The following CKAP2L variants were observed in gnomAD, a reference collection of about 807,000 sequenced individuals.
CKAP2L encodes the protein cytoskeleton associated protein 2L, also known as cytoskeleton-associated protein 2-like.
Under a neutral mutation model 65.7 loss-of-function variants are expected in CKAP2L, and 42 were observed. That is an observed-to-expected ratio of 0.64 (90% CI 0.50 to 0.83). The LOEUF (loss-of-function observed/expected upper bound fraction) is 0.83. CKAP2L is among the 40% of genes least tolerant of loss of function. The probability of loss-of-function intolerance (pLI) is 0.00; values close to 1 mark genes in which losing one functional copy is unlikely to be tolerated. For synonymous variants in CKAP2L, 325 were observed against 313.5 expected, an observed-to-expected ratio of 1.04 and a Z score of -0.39; for missense variants, 908 against 871.0, an observed-to-expected ratio of 1.04 and a Z score of -0.53.
intron 5 of CKAP2L, 76 bp downstream of exon 5, chr2:112,752,191 A>AT (rs2104876679): frequency 9.7e-7 from 1 of 1,026,228 alleles, no homozygotes; most frequent in African/African-American, 1.6e-5. Context: ...TATCTCTCCT[A>AT]TATTATATTT....
rs1680561581 is a variant in CKAP2L, at chr2:112,757,000, C to G, written c.371G>C (p.Cys124Ser). The change falls in exon 4 of 9, where the codon TGT (cysteine) becomes TCT (serine). Residue 124 changes from cysteine to serine, a missense_variant. Cys to Ser is a moderately radical substitution (Grantham distance 112, BLOSUM62 -1). Coordinates refer to ENST00000302450, the MANE Select transcript of CKAP2L (RefSeq NM_152515.5). Reference protein sequence around the residue: ...SKPSSKSFQQCEAGSSTTGEL... With the variant: ...SKPSSKSFQQSEAGSSTTGEL... Reference sequence around the variant, plus strand: ...TCCTGTTGTGGACGATCCAGCTTCACACTGTTGAAAACTCTTGCTAGAAGG... The same window carrying G: ...TCCTGTTGTGGACGATCCAGCTTCAGACTGTTGAAAACTCTTGCTAGAAGG... 6.2e-7 allele frequency: 1 copy of G among 1,614,202 alleles called. No individual in the cohort carries two copies. The highest frequency in any genetic ancestry group is 2.2e-5 in the East Asian group (1 of 44,890).
chr2:112,753,184 C>G (rs1247125333), intron 4 of CKAP2L, among the ~76,000 whole-genome samples: 2 of 152,198 alleles, frequency 1.3e-5, no homozygotes, highest in Non-Finnish European at 2.9e-5. Context: ...GTGTACATTT[C>G]AGTCCAGATC....
chr2:112,755,540 C>T (rs1680503854), intron 4 of CKAP2L, among the ~76,000 whole-genome samples: 2 of 152,084 alleles, frequency 1.3e-5, no homozygotes, highest in African/African-American at 4.8e-5. Flanking sequence ...ACGGAAGTTT[C>T]TGGTTCTTCC....
At chr2:112,764,097 C>T (rs1397906808) in intron 1 of CKAP2L, 1 of 190,100 alleles carries the variant, frequency 5.3e-6, no homozygotes, top group Non-Finnish European at 1.1e-5. Context: ...CAACTTCTAA[C>T]CACCGCAGGC....
At chr2:112,739,954 C>T (rs1038040750) in intron 8 of CKAP2L, among the ~76,000 whole-genome samples, 1 of 151,952 alleles carries the variant, frequency 6.6e-6, no homozygotes, top group Non-Finnish European at 1.5e-5. Context: ...ATGTGCCCAG[C>T]CTTTTCATTT....
intron 8 of CKAP2L, among the ~76,000 whole-genome samples, chr2:112,739,768 C>T (rs1558751271): frequency 6.6e-6 from 1 of 152,100 alleles, no homozygotes; most frequent in African/African-American, 2.4e-5. Context: ...CATCTGTCCA[C>T]CTCAGCCTTT....
chr2:112,755,238 A>C (rs1176062197), intron 4 of CKAP2L, among the ~76,000 whole-genome samples: 2 of 152,172 alleles, frequency 1.3e-5, no homozygotes, highest in African/African-American at 4.8e-5. Context: ...TACAAAATCC[A>C]CTGGCTCAGT....
In CKAP2L at chr2:112,762,517, C is replaced by G. The variant is rs1680755699; in HGVS notation, c.90G>C (p.Lys30Asn). The change falls in exon 2 of 9, where the codon AAG becomes AAC. Residue 30 changes from lysine (K) to asparagine (N), a missense_variant. By Grantham distance (94) the Lys-to-Asn change is moderately conservative. Transcript: ENST00000302450. ...GATAAACTCACTTGGTGTTTTGGCT[C>G]TTCAGTTTTCCCTTGGCTGCAAGGT... The part of the protein sequence containing the change: ...QEYLAAKGKL[K>N]SQNTKPYLKS... The G allele has an allele frequency of 2.5e-6, 4 of 1,613,986 alleles. No homozygotes were observed. Among genetic ancestry groups the G allele is most frequent in the Non-Finnish European group, 3.4e-6 (4 of 1,179,846 alleles).
At chr2:112,749,994 T>C (rs1680317579) in intron 5 of CKAP2L, among the ~76,000 whole-genome samples, 4 of 152,154 alleles carry the variant, frequency 2.6e-5, no homozygotes, top group Admixed American at 2.6e-4. Flanking sequence ...CACCTCCCTG[T>C]GCAGCTTCAG....
At chr2:112,743,722 G>A (rs570383438) in intron 6 of CKAP2L, among the ~76,000 whole-genome samples, 1 of 152,314 alleles carries the variant, frequency 6.6e-6, no homozygotes. Flanking sequence ...ACAGGGGTAA[G>A]CCACTGTGCC....
intron 4 of CKAP2L, among the ~76,000 whole-genome samples, chr2:112,753,783 C>T (rs1019160093): frequency 4.6e-5 from 7 of 152,148 alleles, no homozygotes; most frequent in African/African-American, 1.7e-4. Flanking sequence ...CCACTTCAGC[C>T]TCCCAAGGTG....
chr2:112,739,087 T>C (rs1679651491), intron 8 of CKAP2L, 39 bp from the exon 9 acceptor site: 1 of 1,430,780 alleles, frequency 7.0e-7, no homozygotes. Flanking sequence ...ACCTTATCAT[T>C]TAAAAAAATT....
intron 6 of CKAP2L, among the ~76,000 whole-genome samples, chr2:112,743,686 C>T (rs1199737089): frequency 1.3e-5 from 2 of 152,188 alleles, no homozygotes; most frequent in African/African-American, 2.4e-5. Context: ...GATCCGCCTG[C>T]CTCAGCCTCC....
In CKAP2L at chr2:112,739,800, G is replaced by T. The variant is rs915249365; in HGVS notation, c.2013-752C>A. ...CTTTCAAGCTGGTGGGAGCACAAAC[G>T]TATGCCAGCATGCCTGGCTAATTTT... On this transcript the variant is annotated intron_variant, in intron 8 of 8. Transcript: ENST00000302450. Among the ~76,000 whole-genome samples the T allele has an allele frequency of 2.0e-5, 3 of 152,112 alleles. 1 individual carries two copies. Among genetic ancestry groups the T allele is most frequent in the Admixed American group, 2.0e-4 (3 of 15,268 alleles).
chr2:112,747,853 T>C (rs1321400922), intron 5 of CKAP2L, among the ~76,000 whole-genome samples: 1 of 152,214 alleles, frequency 6.6e-6, no homozygotes, highest in Admixed American at 6.5e-5. Flanking sequence ...TCACAGTCAA[T>C]ATCTTCAGAG....
rs890629584 is a variant in CKAP2L at position 112,753,533 on chromosome 2, T to C, written c.1395-1059A>G. Among the ~76,000 whole-genome samples, 6 of 141,238 alleles carry C rather than the reference T, an allele frequency of 4.2e-5. No homozygotes were observed. In the East Asian group the frequency reaches 5.9e-4, roughly 14 times the overall value. 92.7% of individuals were successfully genotyped at this position (141,238 alleles called of 152,430 possible). A position where few individuals can be genotyped will look rare whatever the true frequency, so the allele number is the denominator to read the frequency against. On this transcript the variant is annotated intron_variant, in intron 4 of 8. Coordinates refer to ENST00000302450, the MANE Select transcript of CKAP2L (RefSeq NM_152515.5). ...ATCCTTAAAGTTTCTTTTCTTTTTT[T>C]TTTTTTTTTTTTTTGAGACAGTTTT...
intron 8 of CKAP2L, among the ~76,000 whole-genome samples, chr2:112,740,597 A>G (rs1679858869): frequency 6.6e-6 from 1 of 152,140 alleles, no homozygotes; most frequent in South Asian, 2.1e-4. Context: ...CAGGACTTGC[A>G]GGAAAGGCAG....
At chr2:112,748,196 G>C (rs925303582) in intron 5 of CKAP2L, among the ~76,000 whole-genome samples, 1 of 152,108 alleles carries the variant, frequency 6.6e-6, no homozygotes, top group African/African-American at 2.4e-5. Context: ...GGTTGAAAAG[G>C]CTCTCAGATA....
chr2:112,738,980 T>G lies in CKAP2L; in HGVS notation c.2081A>C (p.Glu694Ala). 6.2e-7 allele frequency: 1 copy of G among 1,614,226 alleles called. No individual in the cohort carries two copies. Among genetic ancestry groups the G allele is most frequent in the East Asian group, 2.2e-5 (1 of 44,892 alleles). The change falls in exon 9 of 9, where the codon GAG (glutamate) becomes GCG (alanine). Residue 694 changes from glutamate (E) to alanine (A), a missense_variant. By Grantham distance (107) the Glu-to-Ala change is moderately radical. Transcript: ENST00000302450. ...TTCTGGGTAGCGGGACACTGCTCGC[T>G]CAATCCTCGACGAACGCCGTACAGG... ...ITPVRRSSRIERAVSRYPEML... is the reference protein window; with the variant it reads ...ITPVRRSSRIARAVSRYPEML...
Sources: allele counts gnomAD v4.1 joint callset (sites outside exome capture counted in the v4.1 genomes callset), GRCh38; gene constraint gnomAD v4.1.1; transcripts MANE v1.5; gene names NCBI Gene and HGNC (gene_info 2026-07-23, HGNC 2026-07-21).